The following KAT6B variants were observed in gnomAD, a reference collection of about 807,000 sequenced individuals.
KAT6B encodes the protein lysine acetyltransferase 6B.
Under a neutral mutation model 187.5 loss-of-function variants are expected in KAT6B, and 10 were observed. The ratio of observed to expected loss-of-function variants is 0.05; its 90% CI spans 0.03 to 0.09. The LOEUF is 0.09. Among genes scored for constraint, KAT6B ranks in the 10% least tolerant of loss-of-function variants. The pLI, the probability that KAT6B is intolerant of heterozygous loss-of-function variation, is 1.00. For missense variants in KAT6B, 1,952 were observed against 2,558.9 expected, an observed-to-expected ratio of 0.76 and a Z score of 5.12; for synonymous variants, 861 against 926.8, an observed-to-expected ratio of 0.93 and a Z score of 1.29.
chr10:74,925,875 G>A (rs1848462621), intron 3 of KAT6B, among the ~76,000 whole-genome samples: 1 of 152,074 alleles, frequency 6.6e-6, no homozygotes, highest in South Asian at 2.1e-4. Flanking sequence ...GAAATAGAGT[G>A]TGTGCAGGAG....
At chr10:74,922,486 TA>T (rs138812486) in intron 3 of KAT6B, among the ~76,000 whole-genome samples, 3,721 of 152,294 alleles carry the variant, frequency 0.024, 152 homozygotes, top group African/African-American at 0.085. Flanking sequence ...TAGAAAAGCA[TA>T]CCAGTGTGCT....
intron 3 of KAT6B, among the ~76,000 whole-genome samples, chr10:74,956,189 T>A (rs1286459884): frequency 6.6e-6 from 1 of 152,192 alleles, no homozygotes; most frequent in East Asian, 1.9e-4. Context: ...TACAGAAAAG[T>A]TGTTACAGAG....
At chr10:74,948,840 A>G (rs972848084) in intron 3 of KAT6B, among the ~76,000 whole-genome samples, 6 of 152,236 alleles carry the variant, frequency 3.9e-5, no homozygotes, top group Admixed American at 6.5e-5. Context: ...CAGAATTTCT[A>G]CCAATGGCAG....
In KAT6B at chr10:74,979,177, A is replaced by C. The variant is rs979054673; in HGVS notation, c.2116-47A>C. ...GTCACTGGTGAAAGAACCAAAATGT[A>C]AGTGAAGTATATATATTATTATTTT... On this transcript the variant is annotated intron_variant, in intron 9 of 17. Coordinates refer to ENST00000287239, the MANE Select transcript of KAT6B (RefSeq NM_012330.4). 6.0e-6 allele frequency: 8 copies of C among 1,341,060 alleles called. No homozygotes were observed. The East Asian group carries it at 2.0e-4, about 33-fold the overall frequency. The allele number at this position is 1,341,060 out of a possible 1,614,324, so 83.1% of individuals were successfully genotyped here. A position where few individuals can be genotyped will look rare whatever the true frequency, so the allele number is the denominator to read the frequency against.
intron 3 of KAT6B, among the ~76,000 whole-genome samples, chr10:74,932,638 G>T (rs1420664545): frequency 6.6e-6 from 1 of 152,182 alleles, no homozygotes; most frequent in African/African-American, 2.4e-5. Context: ...TAGAAAATGA[G>T]GGAATGGGGG....
At chr10:74,902,109 G>A (rs1846441054) in intron 3 of KAT6B, among the ~76,000 whole-genome samples, 1 of 152,030 alleles carries the variant, frequency 6.6e-6, no homozygotes, top group African/African-American at 2.4e-5. Flanking sequence ...TCTTCTGTTG[G>A]CTCCCTCAAT....
chr10:74,995,508 G>T (rs1564612027), intron 13 of KAT6B, among the ~76,000 whole-genome samples: 1 of 152,106 alleles, frequency 6.6e-6, no homozygotes, highest in Non-Finnish European at 1.5e-5. Context: ...TCATTAGCTT[G>T]TAGTTTATCC....
rs775745048 is a variant in KAT6B at position 74,975,883 on chromosome 10, T to C, written c.1546T>C (p.Ser516Pro). 1.2e-5 allele frequency: 19 copies of C among 1,614,028 alleles called. No homozygotes were observed. The highest frequency in any genetic ancestry group is 1.5e-5 in the Non-Finnish European group (18 of 1,180,004). Residue 516 changes from serine to proline, a missense_variant, in exon 8 of 18, where the codon TCT becomes CCT. Ser to Pro is a moderately conservative substitution (Grantham distance 74, BLOSUM62 -1). Around this residue, in one of 9 missense-constraint regions of KAT6B, gnomAD observed 417 missense variants for 508.9 expected, o/e 0.82. Coordinates refer to ENST00000287239, the MANE Select transcript of KAT6B (RefSeq NM_012330.4). ...SSQKSSTATS[S>P]PSPQSSSSQC... ...ACAAAAGTCCAGCACGGCCACTTCT[T>C]CTCCCTCTCCCCAGAGTTCTTCCAG...
intron 3 of KAT6B, among the ~76,000 whole-genome samples, chr10:74,904,555 G>C (rs1311852501): frequency 6.6e-6 from 1 of 152,092 alleles, no homozygotes; most frequent in Admixed American, 6.6e-5. Context: ...ATTGTACAGG[G>C]GCCCAAATCT....
intron 3 of KAT6B, among the ~76,000 whole-genome samples, chr10:74,884,649 A>G (rs1845102837): frequency 6.6e-6 from 1 of 151,858 alleles, no homozygotes; most frequent in African/African-American, 2.4e-5. Flanking sequence ...GCTCACTGCA[A>G]CACCTGCTTC....
rs1001840367 is a variant in KAT6B, at chr10:74,872,724, C to G, written c.621+29246C>G. Among the ~76,000 whole-genome samples, 4 of 151,364 alleles carry G rather than the reference C, an allele frequency of 2.6e-5. No homozygotes were observed. In the South Asian group the frequency reaches 8.4e-4, roughly 32 times the overall value. On this transcript the variant is annotated intron_variant, in intron 3 of 17. Coordinates refer to ENST00000287239, the MANE Select transcript of KAT6B (RefSeq NM_012330.4). Reference sequence around the variant, plus strand: ...TAGAGAGGGGGTTCTGCTATGTTGCCCAGGCTGGGTGAACTCCTGGGTTCA... The same window carrying G: ...TAGAGAGGGGGTTCTGCTATGTTGCGCAGGCTGGGTGAACTCCTGGGTTCA...
intron 3 of KAT6B, among the ~76,000 whole-genome samples, chr10:74,912,916 C>T (rs1446456430): frequency 2.6e-5 from 4 of 152,162 alleles, no homozygotes; most frequent in Non-Finnish European, 5.9e-5. Flanking sequence ...GAGCAGCTGT[C>T]ATCTTGTGAA....
rs1048047796 is a variant in KAT6B, at chr10:75,032,558, T to G, written c.*1512T>G. 1.1e-5 allele frequency: 2 copies of G among 177,860 alleles called. No homozygotes were observed. The highest frequency in any genetic ancestry group is 4.0e-4 in the South Asian group (2 of 5,032). The allele number at this position is 177,860 out of a possible 1,614,324, so 11.0% of individuals were successfully genotyped here. A position where few individuals can be genotyped will look rare whatever the true frequency, so the allele number is the denominator to read the frequency against. On this transcript the variant is annotated 3_prime_UTR_variant, in exon 18 of 18. Coordinates refer to ENST00000287239, the MANE Select transcript of KAT6B (RefSeq NM_012330.4). ...TTTAATGCTTTTCATGAAAGTTTAT[T>G]TTATGCGAGTGCATACCTTCTGTAT...
chr10:74,975,832 C>T lies in KAT6B; in HGVS notation c.1495C>T (p.Pro499Ser), dbSNP rs924443279. 1 of 1,614,050 alleles carries T rather than the reference C, an allele frequency of 6.2e-7. No individual in the cohort carries two copies. Among genetic ancestry groups the T allele is most frequent in the African/African-American group, 1.3e-5 (1 of 74,902 alleles). ...PPPSSLPPPT[P>S]ISGQSPSSQK... Reference sequence around the variant, plus strand: ...ACCTTCTTCACTTCCACCCCCAACCCCCATCTCCGGTCAGAGCCCCAGTTC... The same window carrying T: ...ACCTTCTTCACTTCCACCCCCAACCTCCATCTCCGGTCAGAGCCCCAGTTC... Residue 499 changes from proline to serine, a missense_variant, in exon 8 of 18, where the codon CCC becomes TCC. Pro to Ser is a moderately conservative substitution (Grantham distance 74). Around this residue, in one of 9 missense-constraint regions of KAT6B, gnomAD observed 417 missense variants for 508.9 expected, o/e 0.82. Coordinates refer to ENST00000287239, the MANE Select transcript of KAT6B (RefSeq NM_012330.4).
chr10:74,849,818 A>C (rs1322316074), intron 3 of KAT6B, among the ~76,000 whole-genome samples: 2 of 152,192 alleles, frequency 1.3e-5, no homozygotes, highest in African/African-American at 4.8e-5. Flanking sequence ...ATGAGGCTGA[A>C]AGCTTAAGTG....
chr10:74,847,764 GTT>G (rs932585206), intron 3 of KAT6B, among the ~76,000 whole-genome samples: 7 of 151,952 alleles, frequency 4.6e-5, no homozygotes, highest in African/African-American at 1.7e-4. Context: ...TGATTTAATA[GTT>G]TAAAACCATG....
intron 3 of KAT6B, among the ~76,000 whole-genome samples, chr10:74,886,798 A>G (rs575161307): frequency 6.6e-6 from 1 of 152,276 alleles, no homozygotes; most frequent in South Asian, 2.1e-4. Context: ...AACCCAGTGT[A>G]TTACACTGAC....
intron 3 of KAT6B, among the ~76,000 whole-genome samples, chr10:74,874,155 TTTC>T (rs1203111144): frequency 6.6e-6 from 1 of 152,238 alleles, no homozygotes; most frequent in Non-Finnish European, 1.5e-5. Flanking sequence ...TGTGAACGTA[TTTC>T]TTACTTGAAG....
chr10:74,899,378 A>G (rs1397801831), intron 3 of KAT6B, among the ~76,000 whole-genome samples: 2 of 150,920 alleles, frequency 1.3e-5, no homozygotes, highest in African/African-American at 4.9e-5. Flanking sequence ...GGTTCAAGGG[A>G]TTCTCCTGCC....
Sources: allele counts gnomAD v4.1 joint callset (sites outside exome capture counted in the v4.1 genomes callset), GRCh38; gene constraint gnomAD v4.1.1; regional missense constraint gnomAD v4.1.1; transcripts MANE v1.5; gene names NCBI Gene and HGNC (gene_info 2026-07-23, HGNC 2026-07-21).